The following PKNOX2 variants were observed in gnomAD, a reference collection of about 807,000 sequenced individuals.
PKNOX2 encodes the protein PBX/knotted 1 homeobox 2, also known as homeobox protein PKNOX2.
Under a neutral mutation model 53.1 loss-of-function variants are expected in PKNOX2, and 14 were observed. The observed-to-expected ratio is 0.26, with a 90% confidence interval of 0.17 to 0.41. PKNOX2 has a LOEUF of 0.41. Among genes scored for constraint, PKNOX2 ranks in the 10% least tolerant of loss-of-function variants. The pLI is 1.00. For missense variants in PKNOX2, 496 were observed against 602.8 expected (o/e 0.82, Z 1.85); for synonymous variants, 257 against 242.8 (o/e 1.06, Z -0.54).
At chr11:125,420,226 T>A (rs1956100993) in intron 10 of PKNOX2, among the ~76,000 whole-genome samples, 1 of 27,820 alleles carries the variant, frequency 3.6e-5, no homozygotes. Context: ...GAGTTTTTTA[T>A]TTAAAAAAAA....
At chr11:125,351,983 A>T (rs546480050) in intron 4 of PKNOX2, among the ~76,000 whole-genome samples, 2 of 151,744 alleles carry the variant, frequency 1.3e-5, no homozygotes, top group South Asian at 2.1e-4. Context: ...GATCAGACAC[A>T]GCCGCCCCCC....
intron 2 of PKNOX2, among the ~76,000 whole-genome samples, chr11:125,259,863 CT>C (rs531549398): frequency 8.1e-5 from 12 of 148,770 alleles, no homozygotes; most frequent in African/African-American, 1.2e-4. Context: ...CACCCCCATT[CT>C]TTTTTTTTTA....
chr11:125,352,646 G>T lies in PKNOX2; in HGVS notation c.87+1254G>T, dbSNP rs961215166. On this transcript the variant is annotated intron_variant, in intron 4 of 12. Transcript: ENST00000298282. This position sits in a 1 kb window ranked among gnomAD's most constrained non-coding sequence, Gnocchi z 4.1. ...CCAGATGCTGTGGGGCTTCTTTCTA[G>T]CGTACCCAGCATATGGAACACCTTT... is the stretch of plus-strand genomic sequence containing the variant. Among the ~76,000 whole-genome samples the T allele has an allele frequency of 6.6e-6, 1 of 152,110 alleles. No individual in the cohort carries two copies. Among genetic ancestry groups the T allele is most frequent in the African/African-American group, 2.4e-5 (1 of 41,394 alleles).
chr11:125,410,299 C>A lies in PKNOX2; in HGVS notation c.692C>A (p.Thr231Lys), dbSNP rs1250855211. 1 of 1,614,112 alleles carries A rather than the reference C, an allele frequency of 6.2e-7. No individual in the cohort carries two copies. The highest frequency in any genetic ancestry group is 8.5e-7 in the Non-Finnish European group (1 of 1,180,014). ...SALQQGNIAM[T>K]TVNSQVVSGG... The stretch of plus-strand genomic sequence containing the variant: ...CTCCAGCAGGGCAACATCGCCATGA[C>A]AACCGTCAACTCACAAGTTGTGTCA... The change falls in exon 8 of 13, where the codon ACA becomes AAA. Residue 231 changes from threonine (T) to lysine (K), a missense_variant. By Grantham distance (78) the Thr-to-Lys change is moderately conservative. Around this residue, in one of 5 missense-constraint regions of PKNOX2, gnomAD observed 141 missense variants for 143.9 expected, o/e 0.98. Coordinates refer to ENST00000298282, the MANE Select transcript of PKNOX2 (RefSeq NM_001382323.2).
At chr11:125,348,513 G>A (rs2136190044) in intron 3 of PKNOX2, among the ~76,000 whole-genome samples, 1 of 152,356 alleles carries the variant, frequency 6.6e-6, no homozygotes, top group East Asian at 1.9e-4. Flanking sequence ...TTGTTCCTGT[G>A]TCTTCTTTCG....
intron 3 of PKNOX2, among the ~76,000 whole-genome samples, chr11:125,345,930 C>G (rs1950945653): frequency 6.6e-6 from 1 of 152,138 alleles, no homozygotes; most frequent in African/African-American, 2.4e-5. Flanking sequence ...TGCGACGCCA[C>G]CTACAGGCCA....
intron 2 of PKNOX2, among the ~76,000 whole-genome samples, chr11:125,293,216 AAC>A (rs1947422992): frequency 1.3e-5 from 2 of 152,156 alleles, no homozygotes; most frequent in African/African-American, 4.8e-5. Context: ...ACACACACAC[AAC>A]TATATACATA....
intron 1 of PKNOX2, among the ~76,000 whole-genome samples, chr11:125,197,436 G>A (rs971647150): frequency 6.6e-6 from 1 of 151,970 alleles, no homozygotes; most frequent in African/African-American, 2.4e-5. Context: ...ACCCTGAGTG[G>A]GGATCTCTCT....
intron 2 of PKNOX2, among the ~76,000 whole-genome samples, chr11:125,309,317 T>TC: frequency 6.6e-6 from 1 of 151,794 alleles, no homozygotes; most frequent in South Asian, 2.1e-4. Context: ...TTTATTTTTT[T>TC]CCCACATGAC....
Position 125,431,470 on chromosome 11 carries a change from G to GGGGCCCCCCC in PKNOX2, c.*78_*79insGGGCCCCCCC. 3.5e-6 allele frequency: 1 copy of GGGGCCCCCCC among 282,772 alleles called. No homozygotes were observed. The highest frequency in any genetic ancestry group is 7.1e-6 in the Non-Finnish European group (1 of 140,432). The allele number at this position is 282,772 out of a possible 1,614,324, so 17.5% of individuals were successfully genotyped here. On this transcript the variant is annotated 3_prime_UTR_variant, in exon 13 of 13. Transcript: ENST00000298282. ...AGGCCTTCAGGGTGGGGGGGAAGGG[G>GGGGCCCCCCC]ACATGGGCAGGAAGCACCGAGGGAG... is the stretch of plus-strand genomic sequence containing the variant.
intron 7 of PKNOX2, among the ~76,000 whole-genome samples, chr11:125,406,384 T>C (rs372284126): frequency 1.8e-4 from 27 of 152,176 alleles, no homozygotes; most frequent in East Asian, 5.8e-4. Flanking sequence ...CAGGGAGACA[T>C]GTAGCCAGGT....
chr11:125,239,017 G>A (rs1410204446), intron 2 of PKNOX2, among the ~76,000 whole-genome samples: 2 of 152,136 alleles, frequency 1.3e-5, no homozygotes, highest in East Asian at 3.9e-4. Context: ...AGCATGTGCA[G>A]GTACCTAGAG....
chr11:125,405,124 C>T (rs1016224586), intron 7 of PKNOX2, among the ~76,000 whole-genome samples: 1 of 151,788 alleles, frequency 6.6e-6, no homozygotes. Context: ...ACCGACTCAC[C>T]GTCACCCACC....
Position 125,411,822 on chromosome 11 carries a change from A to G in PKNOX2, c.893A>G (p.His298Arg). The G allele has an allele frequency of 1.2e-6, 2 of 1,614,194 alleles. No individual in the cohort carries two copies. Among genetic ancestry groups the G allele is most frequent in the Non-Finnish European group, 1.7e-6 (2 of 1,180,034 alleles). Residue 298 changes from histidine (H) to arginine (R), a missense_variant, in exon 10 of 13, where the codon CAT becomes CGT. Around this residue, in one of 5 missense-constraint regions of PKNOX2, gnomAD observed 36 missense variants for 81.9 expected, o/e 0.44. Coordinates refer to ENST00000298282, the MANE Select transcript of PKNOX2 (RefSeq NM_001382323.2). ...AACAAACGAGGAGTCTTGCCCAAGCATGCCACCAATATAATGCGTTCTTGG... is the reference window on the plus strand; with the variant it reads ...AACAAACGAGGAGTCTTGCCCAAGCGTGCCACCAATATAATGCGTTCTTGG... ...SKNKRGVLPKHATNIMRSWLF... is the reference protein window; with the variant it reads ...SKNKRGVLPKRATNIMRSWLF...
intron 2 of PKNOX2, among the ~76,000 whole-genome samples, chr11:125,321,641 G>C (rs1565496588): frequency 6.6e-6 from 1 of 152,198 alleles, no homozygotes; most frequent in Non-Finnish European, 1.5e-5. Flanking sequence ...ATCACAGTGG[G>C]AAACAGCCAT....
At chr11:125,384,856 G>A (rs1401250018) in intron 5 of PKNOX2, among the ~76,000 whole-genome samples, 1 of 152,052 alleles carries the variant, frequency 6.6e-6, no homozygotes, top group African/African-American at 2.4e-5. Flanking sequence ...AAGGTCTTAG[G>A]GATATCAGGA....
intron 2 of PKNOX2, among the ~76,000 whole-genome samples, chr11:125,297,408 T>C (rs73621017): frequency 0.013 from 2,005 of 152,254 alleles, 48 homozygotes; most frequent in African/African-American, 0.045. Flanking sequence ...TCCAGTCTAG[T>C]GGTGGCAACA....
intron 3 of PKNOX2, among the ~76,000 whole-genome samples, chr11:125,332,849 C>G (rs1462812618): frequency 6.6e-6 from 1 of 152,130 alleles, no homozygotes; most frequent in Non-Finnish European, 1.5e-5. Context: ...TTGCCCAGCT[C>G]TCCAAGCAGC....
rs1228470548 is a variant in PKNOX2, at chr11:125,166,662, G to C, written c.-201+1886G>C. 6.6e-6 allele frequency among the ~76,000 whole-genome samples: 1 copy of C among 152,194 alleles called. No individual in the cohort carries two copies. The highest frequency in any genetic ancestry group is 1.5e-5 in the Non-Finnish European group (1 of 68,036). ...GCGAGGTGCCACAGTGGGCCGAGGA[G>C]TCTGGGCTGTGGCCCAGGGTAGGAC... On this transcript the variant is annotated intron_variant, in intron 1 of 12. Transcript: ENST00000298282. This position sits in a 1 kb window ranked among gnomAD's most constrained non-coding sequence, Gnocchi z 4.0.
Sources: allele counts gnomAD v4.1 joint callset (sites outside exome capture counted in the v4.1 genomes callset), GRCh38; gene constraint gnomAD v4.1.1; regional missense constraint gnomAD v4.1.1; non-coding constraint Gnocchi (gnomAD v3.1); transcripts MANE v1.5; gene names NCBI Gene and HGNC (gene_info 2026-07-23, HGNC 2026-07-21).